Variants in LRRC4C observed in about 807,000 individuals in gnomAD.
LRRC4C encodes the protein leucine rich repeat containing 4C.
LRRC4C carries 5 observed loss-of-function variants against 33.6 expected under a neutral mutation model. The ratio of observed to expected loss-of-function variants is 0.15; its 90% CI spans 0.08 to 0.31. The LOEUF is 0.31. Among genes scored for constraint, LRRC4C ranks in the 10% least tolerant of loss-of-function variants. The probability of loss-of-function intolerance (pLI) is 1.00; values close to 1 mark genes in which losing one functional copy is unlikely to be tolerated. For synonymous variants in LRRC4C, 329 were observed against 302.0 expected, an observed-to-expected ratio of 1.09 and a Z score of -0.93; for missense variants, 560 against 796.7, an observed-to-expected ratio of 0.70 and a Z score of 3.58.
rs544471413 is a variant in LRRC4C at position 40,733,061 on chromosome 11, G to GTTTTTTT, written c.-406-84790_-406-84784dup. Among the ~76,000 whole-genome samples, 24 of 57,646 alleles carry GTTTTTTT rather than the reference G, an allele frequency of 4.2e-4. 2 individuals are homozygous for GTTTTTTT. Among genetic ancestry groups the GTTTTTTT allele is most frequent in the Non-Finnish European group, 5.4e-4 (18 of 33,444 alleles). The allele number at this position is 57,646 out of a possible 152,430, so 37.8% of individuals were successfully genotyped here. On this transcript the variant is annotated intron_variant, in intron 2 of 6. Transcript: ENST00000528697. Reference sequence around the variant, plus strand: ...GGATCCAAAACCAGTTATGAATATAGTTTTTTTTTTTTTTTTTTTTTTTTT... The same window carrying GTTTTTTT: ...GGATCCAAAACCAGTTATGAATATAGTTTTTTTTTTTTTTTTTTTTTTTTTTTTTTTT...
chr11:40,132,490 A>G (rs1004067784), intron 6 of LRRC4C, among the ~76,000 whole-genome samples: 4 of 152,190 alleles, frequency 2.6e-5, no homozygotes, highest in African/African-American at 9.7e-5. Flanking sequence ...GTGCTCCCTC[A>G]ATAGAGCAGA....
At chr11:40,857,333 T>A (rs545028927) in intron 2 of LRRC4C, among the ~76,000 whole-genome samples, 31 of 152,298 alleles carry the variant, frequency 2.0e-4, no homozygotes, top group African/African-American at 7.5e-4. Context: ...ATTAGCTATT[T>A]ATCCTGATGA....
At chr11:40,728,836 A>G (rs972903784) in intron 2 of LRRC4C, among the ~76,000 whole-genome samples, 1 of 152,102 alleles carries the variant, frequency 6.6e-6, no homozygotes, top group Non-Finnish European at 1.5e-5. Context: ...TTTCAGCTAC[A>G]TGGATGCAGC....
chr11:40,852,901 G>A (rs1156331288), intron 2 of LRRC4C, among the ~76,000 whole-genome samples: 1 of 152,084 alleles, frequency 6.6e-6, no homozygotes, highest in African/African-American at 2.4e-5. Context: ...TTCTATTTTG[G>A]ATAGCTCAAA....
At chr11:40,854,006 C>T (rs1010797263) in intron 2 of LRRC4C, among the ~76,000 whole-genome samples, 3 of 151,656 alleles carry the variant, frequency 2.0e-5, no homozygotes, top group African/African-American at 7.3e-5. Context: ...TATCACAATT[C>T]AAATAAAACT....
At chr11:40,973,495 G>A (rs1222763631) in intron 1 of LRRC4C, among the ~76,000 whole-genome samples, 1 of 152,146 alleles carries the variant, frequency 6.6e-6, no homozygotes, top group Non-Finnish European at 1.5e-5. Context: ...TGGCTCTGGA[G>A]CCCACAGAAA....
intron 5 of LRRC4C, among the ~76,000 whole-genome samples, chr11:40,169,999 C>A (rs186744455): frequency 5.3e-5 from 8 of 152,180 alleles, no homozygotes; most frequent in Admixed American, 2.6e-4. Flanking sequence ...GTAAAGGGAA[C>A]AATGGTAGTA....
rs1430590326 is a variant in LRRC4C, at chr11:40,409,983, AAAAT to A, written c.-269-90266_-269-90263del. Among the ~76,000 whole-genome samples the A allele has an allele frequency of 7.9e-5, 12 of 152,254 alleles. No individual in the cohort carries two copies. In the East Asian group the frequency reaches 9.6e-4, roughly 12 times the overall value. ...ATATCTACAATTTTATTAGTCAATT[AAAAT>A]AAATAAATCAATTAGAAAAACAAAT... On this transcript the variant is annotated intron_variant, in intron 3 of 6. Coordinates refer to ENST00000528697, the MANE Select transcript of LRRC4C (RefSeq NM_001258419.2).
intron 3 of LRRC4C, among the ~76,000 whole-genome samples, chr11:40,432,919 A>C (rs1950992685): frequency 6.6e-6 from 1 of 152,188 alleles, no homozygotes; most frequent in African/African-American, 2.4e-5. Flanking sequence ...CAATGAATGT[A>C]AAATCAATAA....
At chr11:41,440,448 T>A (rs1332606103) in intron 1 of LRRC4C, among the ~76,000 whole-genome samples, 1 of 152,168 alleles carries the variant, frequency 6.6e-6, no homozygotes, top group Non-Finnish European at 1.5e-5. Flanking sequence ...TAATTTTTAC[T>A]TTTTAATTTT....
intron 3 of LRRC4C, among the ~76,000 whole-genome samples, chr11:40,607,486 T>TA (rs1565554243): frequency 6.6e-6 from 1 of 152,076 alleles, no homozygotes; most frequent in Non-Finnish European, 1.5e-5. Flanking sequence ...AACACACTGA[T>TA]AGATGCTGGC....
intron 2 of LRRC4C, among the ~76,000 whole-genome samples, chr11:40,703,084 G>A (rs1945957472): frequency 6.6e-6 from 1 of 151,816 alleles, no homozygotes. Context: ...TTAATAGGGG[G>A]CAATTTTATA....
In LRRC4C at chr11:40,295,117, C is replaced by T. The variant is rs556191884; in HGVS notation, c.-176+24511G>A. 3.3e-5 allele frequency among the ~76,000 whole-genome samples: 5 copies of T among 152,248 alleles called. No individual in the cohort carries two copies. The East Asian group carries it at 9.7e-4, about 29-fold the overall frequency. On this transcript the variant is annotated intron_variant, in intron 4 of 6. Coordinates refer to ENST00000528697, the MANE Select transcript of LRRC4C (RefSeq NM_001258419.2). ...ACTCGTGTTAGAGAAATAGTTGGCACATTTCAAATTCACTGGGTCTCCTTA... is the reference window on the plus strand; with the variant it reads ...ACTCGTGTTAGAGAAATAGTTGGCATATTTCAAATTCACTGGGTCTCCTTA...
intron 3 of LRRC4C, among the ~76,000 whole-genome samples, chr11:40,602,887 T>C (rs1051485585): frequency 2.0e-5 from 3 of 152,178 alleles, no homozygotes; most frequent in African/African-American, 7.2e-5. Flanking sequence ...TTTTGGTCAT[T>C]GGCCCAAGAA....
At chr11:40,994,256 A>G (rs1445226816) in intron 1 of LRRC4C, among the ~76,000 whole-genome samples, 2 of 152,102 alleles carry the variant, frequency 1.3e-5, no homozygotes, top group Non-Finnish European at 2.9e-5. Context: ...AATAAATCCA[A>G]ATCAATCACT....
chr11:40,546,876 C>G (rs533113280), intron 3 of LRRC4C, among the ~76,000 whole-genome samples: 1 of 152,106 alleles, frequency 6.6e-6, no homozygotes, highest in Non-Finnish European at 1.5e-5. Flanking sequence ...AGTGGCTGGG[C>G]TGCAATTGTT....
chr11:40,914,292 T>C (rs181827298), intron 2 of LRRC4C, among the ~76,000 whole-genome samples: 1,987 of 152,066 alleles, frequency 0.013, 43 homozygotes, highest in African/African-American at 0.045. Flanking sequence ...AATGCAAAAA[T>C]CCTCAATAAA....
chr11:41,352,588 G>T (rs934850204), intron 1 of LRRC4C, among the ~76,000 whole-genome samples: 2 of 151,992 alleles, frequency 1.3e-5, no homozygotes, highest in African/African-American at 4.8e-5. Context: ...TCTTCCCATG[G>T]CATATACTCT....
chr11:40,826,251 C>T (rs138620398), intron 2 of LRRC4C, among the ~76,000 whole-genome samples: 12 of 152,064 alleles, frequency 7.9e-5, no homozygotes, highest in Non-Finnish European at 1.5e-4. Flanking sequence ...GTAGTCAATG[C>T]ATGTTAATAC....
Sources: allele counts gnomAD v4.1 joint callset (sites outside exome capture counted in the v4.1 genomes callset), GRCh38; gene constraint gnomAD v4.1.1; transcripts MANE v1.5; gene names NCBI Gene and HGNC (gene_info 2026-07-23, HGNC 2026-07-21).